The following FLT1 variants were observed in gnomAD, a reference collection of about 807,000 sequenced individuals.
The protein encoded by FLT1 is fms related receptor tyrosine kinase 1.
FLT1 carries 49 observed loss-of-function variants against 156.3 expected under a neutral mutation model. The ratio of observed to expected loss-of-function variants is 0.31; its 90% CI spans 0.25 to 0.40. The LOEUF is 0.40. Ranked by LOEUF, FLT1 falls within the 10% of genes least tolerant of loss-of-function variation. The pLI is 1.00. For missense variants in FLT1, 1,322 were observed against 1,637.2 expected, an observed-to-expected ratio of 0.81 and a Z score of 3.32; for synonymous variants, 594 against 583.8, an observed-to-expected ratio of 1.02 and a Z score of -0.25.
At chr13:28,350,626 TC>T (rs1485198067) in intron 15 of FLT1, among the ~76,000 whole-genome samples, 2 of 152,000 alleles carry the variant, frequency 1.3e-5, no homozygotes, top group East Asian at 3.9e-4. Context: ...CCAACTCAGC[TC>T]ATGCAATATA....
intron 10 of FLT1, among the ~76,000 whole-genome samples, chr13:28,425,716 C>T (rs1269412044): frequency 1.3e-5 from 2 of 151,934 alleles, no homozygotes; most frequent in Non-Finnish European, 2.9e-5. Context: ...AATCTAATAG[C>T]TTCAATTATT....
At chr13:28,438,918 G>C (rs746669669) in intron 3 of FLT1, among the ~76,000 whole-genome samples, 13 of 152,216 alleles carry the variant, frequency 8.5e-5, no homozygotes, top group Non-Finnish European at 1.8e-4. Flanking sequence ...TGCTTAGGGG[G>C]AGGCGGACAG....
At position 28,303,377 on chromosome 13, in the gene FLT1, AGAAAG is replaced by A. The variant is rs767807798; in HGVS notation, c.3816-14_3816-10del. 8 of 1,612,118 alleles carry A rather than the reference AGAAAG, an allele frequency of 5.0e-6. No homozygotes were observed. The highest frequency in any genetic ancestry group is 3.3e-5 in the Admixed American group (2 of 60,014). On this transcript the variant is annotated splice_polypyrimidine_tract_variant and intron_variant, in intron 29 of 29. Coordinates refer to ENST00000282397, the MANE Select transcript of FLT1 (RefSeq NM_002019.4). The stretch of plus-strand genomic sequence containing the variant: ...TACTGGTTACTCTCAAGCTAAAGAA[AGAAAG>A]GAAAGAAATCAAATATTCAAAATTG...
intron 1 of FLT1, among the ~76,000 whole-genome samples, chr13:28,482,714 T>C (rs1240922888): frequency 3.9e-5 from 6 of 152,292 alleles, no homozygotes; most frequent in African/African-American, 1.2e-4. Context: ...CAGTTTAGGA[T>C]TTTACTCCCT....
In FLT1 at chr13:28,311,646, G is replaced by C. The variant is rs1871008892; in HGVS notation, c.3579C>G (p.Phe1193Leu). The change falls in exon 27 of 30, where the codon TTC becomes TTG. Residue 1193 changes from phenylalanine (F) to leucine (L), a missense_variant. Physicochemically the swap from Phe to Leu is conservative, Grantham distance 22. Transcript: ENST00000282397. ...TYSTPAFSED[F>L]FKESISAPKF... ...TCGGAGCTGAAATACTTTCCTTGAA[G>C]AAGTCCTCAGAGAAGGCAGGAGTTG... The C allele has an allele frequency of 6.2e-7, 1 of 1,613,554 alleles. No homozygotes were observed. Among genetic ancestry groups the C allele is most frequent in the Non-Finnish European group, 8.5e-7 (1 of 1,179,692 alleles).
rs1566050888 is a variant in FLT1, at chr13:28,473,822, GAAAGA to G, written c.65-6210_65-6206del. Among the ~76,000 whole-genome samples the G allele has an allele frequency of 1.9e-4, 23 of 123,642 alleles. 1 individual carries two copies. Among genetic ancestry groups the G allele is most frequent in the South Asian group, 1.2e-3 (5 of 4,066 alleles). 81.1% of individuals were successfully genotyped at this position (123,642 alleles called of 152,430 possible). On this transcript the variant is annotated intron_variant, in intron 1 of 29. Transcript: ENST00000282397. The stretch of plus-strand genomic sequence containing the variant: ...AGAAAGAAAGAAAGAAAGAAAGAAA[GAAAGA>G]AAGAAAGAAAGGAAGAAAGAAAGAA...
Position 28,303,375 on chromosome 13 carries a change from A to G in FLT1, c.3816-7T>C, listed in dbSNP as rs750399572. On this transcript the variant is annotated splice_region_variant and splice_polypyrimidine_tract_variant and intron_variant, in intron 29 of 29. Transcript: ENST00000282397. ...TTTACTGGTTACTCTCAAGCTAAAG[A>G]AAGAAAGGAAAGAAATCAAATATTC... 122 of 1,611,918 alleles carry G rather than the reference A, an allele frequency of 7.6e-5. 1 individual carries two copies. The South Asian group carries it at 1.3e-3, about 17-fold the overall frequency.
chr13:28,473,645 A>G (rs9551475), intron 1 of FLT1, among the ~76,000 whole-genome samples: 1,185 of 79,466 alleles, frequency 0.015, 15 homozygotes, highest in East Asian at 0.038. Context: ...ACTATATCTC[A>G]AAAGAAAGAA....
Position 28,302,414 on chromosome 13 carries a change from ACATAGAACCACTTC to A in FLT1, c.*739_*752del, listed in dbSNP as rs1346803025. 4.3e-6 allele frequency: 1 copy of A among 233,232 alleles called. No homozygotes were observed. The allele number at this position is 233,232 out of a possible 1,614,324, so 14.4% of individuals were successfully genotyped here. On this transcript the variant is annotated 3_prime_UTR_variant, in exon 30 of 30. Transcript: ENST00000282397. Reference sequence around the variant, plus strand: ...CAAAACATGCCACGAATGAGAATGGACATAGAACCACTTCCATAGGTAAAGTTCTAAAATTTGCT... The same window carrying A: ...CAAAACATGCCACGAATGAGAATGGACATAGGTAAAGTTCTAAAATTTGCT...
intron 15 of FLT1, among the ~76,000 whole-genome samples, chr13:28,357,004 A>G (rs189023824): frequency 6.6e-6 from 1 of 152,314 alleles, no homozygotes. Context: ...AGCACTTGGA[A>G]TATTTTTCTT....
At chr13:28,381,864 T>C (rs535027968) in intron 14 of FLT1, among the ~76,000 whole-genome samples, 1 of 152,358 alleles carries the variant, frequency 6.6e-6, no homozygotes, top group Non-Finnish European at 1.5e-5. Context: ...GTGCTACCAC[T>C]ATGAGTTTGC....
At chr13:28,486,861 G>C (rs1413507046) in intron 1 of FLT1, among the ~76,000 whole-genome samples, 1 of 152,212 alleles carries the variant, frequency 6.6e-6, no homozygotes, top group African/African-American at 2.4e-5. Flanking sequence ...CATTTGGGCA[G>C]GTGCCTCCCA....
At chr13:28,386,315 G>A (rs1352732612) in intron 13 of FLT1, 2 of 1,027,006 alleles carry the variant, frequency 1.9e-6, no homozygotes, top group Non-Finnish European at 2.4e-6. Flanking sequence ...AGGTTAAAAT[G>A]TATATTATCA....
chr13:28,363,100 C>T (rs1375540496), intron 14 of FLT1, among the ~76,000 whole-genome samples: 3 of 152,290 alleles, frequency 2.0e-5, no homozygotes, highest in Middle Eastern at 3.4e-3. Flanking sequence ...ATTGTTGTCT[C>T]CCCAGGTTTC....
At chr13:28,489,538 G>A (rs1370230562) in intron 1 of FLT1, among the ~76,000 whole-genome samples, 2 of 152,192 alleles carry the variant, frequency 1.3e-5, no homozygotes, top group Non-Finnish European at 1.5e-5. Flanking sequence ...AGTGCTGTCT[G>A]GGAGCTACAA....
intron 3 of FLT1, among the ~76,000 whole-genome samples, chr13:28,455,513 A>AT (rs1228762741): frequency 6.6e-6 from 1 of 152,236 alleles, no homozygotes; most frequent in Non-Finnish European, 1.5e-5. Context: ...AGAGACCTAA[A>AT]TGTAAAATGC....
chr13:28,307,493 C>A (rs1483535704), intron 28 of FLT1, among the ~76,000 whole-genome samples: 1 of 152,148 alleles, frequency 6.6e-6, no homozygotes, highest in African/African-American at 2.4e-5. Flanking sequence ...ACGTTTTGCT[C>A]AGTATTTTTC....
intron 1 of FLT1, among the ~76,000 whole-genome samples, chr13:28,492,602 A>G (rs1881530701): frequency 6.6e-6 from 1 of 152,234 alleles, no homozygotes; most frequent in Admixed American, 6.5e-5. Flanking sequence ...TTAATAGCTG[A>G]TAAGTATTCA....
At chr13:28,458,624 C>T (rs1879399728) in intron 3 of FLT1, among the ~76,000 whole-genome samples, 1 of 152,210 alleles carries the variant, frequency 6.6e-6, no homozygotes, top group Non-Finnish European at 1.5e-5. Flanking sequence ...ATGTGAGTGG[C>T]TTCTGTCCCA....
Sources: gnomAD v4.1 joint callset for allele counts (sites outside exome capture counted in the v4.1 genomes callset) on GRCh38, gnomAD v4.1.1 for gene constraint, MANE v1.5 for transcripts, NCBI Gene and HGNC (gene_info 2026-07-23, HGNC 2026-07-21) for gene names.